The following GCC2 variants were observed in gnomAD, a reference collection of about 807,000 sequenced individuals.
The protein encoded by GCC2 is GRIP and coiled-coil domain-containing protein 2.
Under a neutral mutation model 210.6 loss-of-function variants are expected in GCC2, and 120 were observed. That is an observed-to-expected ratio of 0.57 (90% confidence interval 0.49 to 0.66). The LOEUF is 0.66. Among genes scored for constraint, GCC2 ranks in the 30% least tolerant of loss-of-function variants. The pLI, the probability that GCC2 is intolerant of heterozygous loss-of-function variation, is 0.00. For synonymous variants in GCC2, 703 were observed against 652.7 expected (o/e 1.08, Z -1.17); for missense variants, 1,868 against 1,871.9 (o/e 1.00, Z 0.04).
Position 108,472,089 on chromosome 2 carries a change from T to G in GCC2, c.2760T>G (p.Asp920Glu). 1 of 1,558,086 alleles carries G rather than the reference T, an allele frequency of 6.4e-7. No individual in the cohort carries two copies. Among genetic ancestry groups the G allele is most frequent in the Non-Finnish European group, 8.6e-7 (1 of 1,161,010 alleles). ...TACTAGAACAAAAAGAATTACGAGATAGGAGAGCAGAGTTGATACTATTAA... is the reference window on the plus strand; with the variant it reads ...TACTAGAACAAAAAGAATTACGAGAGAGGAGAGCAGAGTTGATACTATTAA... ...KPLLEQKELR[D>E]RRAELILLKD... is the part of the protein sequence containing the mutation. The change falls in exon 6 of 23, where the codon GAT becomes GAG. Residue 920 changes from aspartate to glutamate, a missense_variant. Transcript: ENST00000309863.
intron 13 of GCC2, among the ~76,000 whole-genome samples, chr2:108,485,182 G>A (rs1682070441): frequency 6.7e-6 from 1 of 148,956 alleles, no homozygotes; most frequent in African/African-American, 2.5e-5. Context: ...GGGGTGGGGG[G>A]AGTGGGGAGG....
chr2:108,454,846 A>G (rs1680165059), intron 4 of GCC2, among the ~76,000 whole-genome samples: 1 of 152,160 alleles, frequency 6.6e-6, no homozygotes, highest in Non-Finnish European at 1.5e-5. Flanking sequence ...ATAAGTACCC[A>G]ATAATTGTTA....
chr2:108,470,359 C>T lies in GCC2; in HGVS notation c.1030C>T (p.Leu344Phe), dbSNP rs1681129212. The change falls in exon 6 of 23, where the codon CTT becomes TTT. Residue 344 changes from leucine (L) to phenylalanine (F), a missense_variant. Coordinates refer to ENST00000309863, the MANE Select transcript of GCC2 (RefSeq NM_181453.4). The part of the protein sequence containing the change: ...VKHLEDTLKE[L>F]ESQHSILKDE... ...ACACTTAGAAGATACCTTAAAAGAA[C>T]TTGAATCTCAACACAGTATCTTAAA... The T allele has an allele frequency of 6.2e-7, 1 of 1,605,116 alleles. No homozygotes were observed. The highest frequency in any genetic ancestry group is 8.5e-7 in the Non-Finnish European group (1 of 1,175,224).
chr2:108,450,646 C>A (rs1026609562), intron 2 of GCC2, among the ~76,000 whole-genome samples: 1 of 152,204 alleles, frequency 6.6e-6, no homozygotes, highest in African/African-American at 2.4e-5. Context: ...CTTTGGGAGG[C>A]CGAGGCGGGC....
intron 17 of GCC2, among the ~76,000 whole-genome samples, chr2:108,488,910 G>A (rs1682272861): frequency 6.6e-6 from 1 of 152,072 alleles, no homozygotes; most frequent in African/African-American, 2.4e-5. Flanking sequence ...TTATATAAAG[G>A]GGAAATTAGA....
chr2:108,470,955 A>G lies in GCC2; in HGVS notation c.1626A>G (p.Gly542=), dbSNP rs1305544670. The change falls in exon 6 of 23, where the codon GGA becomes GGG. Residue 542 remains glycine, a synonymous_variant. Coordinates refer to ENST00000309863, the MANE Select transcript of GCC2 (RefSeq NM_181453.4). The part of the protein sequence containing the change: ...ALLETVNRLQ[G]ENEKLLSQQE... ...TCGAAACTGTGAATCGCCTCCAGGG[A>G]GAAAATGAAAAGTTACTATCTCAAC... 8.1e-6 allele frequency: 13 copies of G among 1,613,202 alleles called. No homozygotes were observed. Among genetic ancestry groups the G allele is most frequent in the African/African-American group, 1.3e-5 (1 of 74,898 alleles).
At chr2:108,475,702 C>G in intron 8 of GCC2, 50 bp from the exon 9 acceptor site, 1 of 1,465,308 alleles carries the variant, frequency 6.8e-7, no homozygotes, top group East Asian at 2.3e-5. Flanking sequence ...GTTTTTCTAT[C>G]CATTAAAAAA....
chr2:108,493,390 C>G, intron 19 of GCC2: 2 of 970,972 alleles, frequency 2.1e-6, no homozygotes, highest in Non-Finnish European at 2.5e-6. Flanking sequence ...GCCTGGCCGA[C>G]ACATGTCTTA....
chr2:108,484,416 A>G (rs917893748), intron 13 of GCC2, 105 bp downstream of exon 13: 3 of 651,898 alleles, frequency 4.6e-6, no homozygotes, highest in Admixed American at 6.6e-5. Flanking sequence ...ACTGTCAGTC[A>G]GGTGTTTAAC....
chr2:108,460,316 C>T (rs1241155296), intron 4 of GCC2, among the ~76,000 whole-genome samples: 1 of 152,090 alleles, frequency 6.6e-6, no homozygotes, highest in African/African-American at 2.4e-5. Context: ...TCCTTTTAGC[C>T]AGCCTGTATC....
chr2:108,472,161 C>G (rs1272593626), intron 6 of GCC2, 45 bp downstream of exon 6: 1 of 1,292,506 alleles, frequency 7.7e-7, no homozygotes, highest in Non-Finnish European at 1.0e-6. Context: ...ATTCTTAGTT[C>G]AACTCTACAA....
intron 4 of GCC2, among the ~76,000 whole-genome samples, chr2:108,463,091 C>A (rs1009408994): frequency 6.6e-6 from 1 of 151,816 alleles, no homozygotes; most frequent in Non-Finnish European, 1.5e-5. Context: ...TCATTCATAT[C>A]CTGAATTGTT....
rs1347212546 is a variant in GCC2 at position 108,449,698 on chromosome 2, A to T, written c.63+9A>T. On this transcript the variant is annotated intron_variant, in intron 2 of 22. Coordinates refer to ENST00000309863, the MANE Select transcript of GCC2 (RefSeq NM_181453.4). ...GGACCGGGAAATCTAAGGTGAAGAG[A>T]ATACTTGAATAGCGGGCTTCCTGAA... 6.2e-7 allele frequency: 1 copy of T among 1,609,082 alleles called. No individual in the cohort carries two copies.
At chr2:108,467,002 C>A (rs866403408) in intron 4 of GCC2, among the ~76,000 whole-genome samples, 3 of 152,094 alleles carry the variant, frequency 2.0e-5, no homozygotes, top group Admixed American at 1.3e-4. Flanking sequence ...TTTGCTGATA[C>A]TATATTGTCT....
In GCC2 at chr2:108,485,989, C is replaced by A. The variant is rs537454813; in HGVS notation, c.3792+81C>A. 6.9e-5 allele frequency: 44 copies of A among 640,984 alleles called. 2 individuals are homozygous for A. The African/African-American group carries it at 7.5e-4, about 11-fold the overall frequency. The allele number at this position is 640,984 out of a possible 1,614,324, so 39.7% of individuals were successfully genotyped here. On this transcript the variant is annotated intron_variant, in intron 15 of 22. Coordinates refer to ENST00000309863, the MANE Select transcript of GCC2 (RefSeq NM_181453.4). ...ACCATTTAGAGATTTTATTGATTATCCTATAACGATATCTAGAAAGATTCC... is the reference window on the plus strand; with the variant it reads ...ACCATTTAGAGATTTTATTGATTATACTATAACGATATCTAGAAAGATTCC...
intron 4 of GCC2, among the ~76,000 whole-genome samples, chr2:108,454,212 G>A (rs1005266101): frequency 3.9e-5 from 6 of 152,114 alleles, no homozygotes; most frequent in East Asian, 1.9e-4. Context: ...GGATGGTCTC[G>A]ATCTCCTGAC....
rs1681129212 is a variant in GCC2, at chr2:108,470,359, C to G, written c.1030C>G (p.Leu344Val). 1.2e-6 allele frequency: 2 copies of G among 1,605,234 alleles called. No individual in the cohort carries two copies. Among genetic ancestry groups the G allele is most frequent in the East Asian group, 2.2e-5 (1 of 44,762 alleles). Reference protein sequence around the residue: ...VKHLEDTLKELESQHSILKDE... With the variant: ...VKHLEDTLKEVESQHSILKDE... ...ACACTTAGAAGATACCTTAAAAGAACTTGAATCTCAACACAGTATCTTAAA... is the reference window on the plus strand; with the variant it reads ...ACACTTAGAAGATACCTTAAAAGAAGTTGAATCTCAACACAGTATCTTAAA... The change falls in exon 6 of 23, where the codon CTT (leucine) becomes GTT (valine). Residue 344 changes from leucine to valine, a missense_variant. By Grantham distance (32) the Leu-to-Val change is conservative. This residue lies in a region of GCC2 where 1,847 missense variants were observed against 1,765.2 expected (regional missense o/e 1.05). Coordinates refer to ENST00000309863, the MANE Select transcript of GCC2 (RefSeq NM_181453.4).
chr2:108,498,093 A>T (rs1682732817), intron 21 of GCC2, among the ~76,000 whole-genome samples: 2 of 151,970 alleles, frequency 1.3e-5, no homozygotes, highest in South Asian at 4.1e-4. Context: ...CTATAAAATA[A>T]CATTTTCTGA....
chr2:108,485,597 T>C (rs907217190), intron 13 of GCC2, 39 bp from the exon 14 acceptor site: 1 of 1,052,308 alleles, frequency 9.5e-7, no homozygotes, highest in African/African-American at 1.6e-5. Flanking sequence ...TGATAAAAAT[T>C]GTTACATCTT....
Sources: allele counts gnomAD v4.1 joint callset (sites outside exome capture counted in the v4.1 genomes callset), GRCh38; gene constraint gnomAD v4.1.1; regional missense constraint gnomAD v4.1.1; transcripts MANE v1.5; gene names NCBI Gene and HGNC (gene_info 2026-07-23, HGNC 2026-07-21).